BRMS1: variants seen among roughly 807,000 people sequenced by gnomAD.
The protein encoded by BRMS1 is BRMS1 transcriptional repressor and anoikis regulator.
BRMS1 carries 26 observed loss-of-function variants against 40.4 expected under a neutral mutation model. That is an observed-to-expected ratio of 0.64 (90% CI 0.47 to 0.89). The LOEUF is 0.89. Ranked by LOEUF, BRMS1 falls within the 40% of genes least tolerant of loss-of-function variation. The probability of loss-of-function intolerance (pLI) is 0.00; values close to 1 mark genes in which losing one functional copy is unlikely to be tolerated. For missense variants in BRMS1, 289 were observed against 309.4 expected, an observed-to-expected ratio of 0.93 and a Z score of 0.49; for synonymous variants, 103 against 116.0, an observed-to-expected ratio of 0.89 and a Z score of 0.72.
chr11:66,339,469 C>T (rs1292916574), intron 7 of BRMS1, among the ~76,000 whole-genome samples: 1 of 152,186 alleles, frequency 6.6e-6, no homozygotes, highest in Non-Finnish European at 1.5e-5. Flanking sequence ...CAGGGTAAGA[C>T]CAGAAGAGGC....
Position 66,341,534 on chromosome 11 carries a change from T to G in BRMS1, c.229A>C (p.Lys77Gln), listed in dbSNP as rs773727934. 8 of 1,613,744 alleles carry G rather than the reference T, an allele frequency of 5.0e-6. No homozygotes were observed. In the Admixed American group the frequency reaches 1.3e-4, roughly 27 times the overall value. ...LEKQFSELKE[K>Q]LFRERLSQLR... is the part of the protein sequence containing the mutation. ...AGCCCAAGGTGTCCCCACGCTCACT[T>G]CTCCTTTAGCTCCGAGAACTGCTTC... The change falls in exon 3 of 10, where the codon AAG becomes CAG. Residue 77 changes from lysine to glutamine, a missense_variant and splice_region_variant. Physicochemically the swap from Lys to Gln is moderately conservative, Grantham distance 53 (BLOSUM62 1). Coordinates refer to ENST00000359957, the MANE Select transcript of BRMS1 (RefSeq NM_015399.4). This position sits in a 1 kb window ranked among gnomAD's most constrained non-coding sequence, Gnocchi z 4.9.
At position 66,344,939 on chromosome 11, in the gene BRMS1, G is replaced by A. The variant is rs1855170825; in HGVS notation, c.-8+33C>T. ...CGGCCCTGCTCGACTAACCGGAGAG[G>A]GCGAACCAAAAGCCATGCATGACGA... is the stretch of plus-strand genomic sequence containing the variant. On this transcript the variant is annotated intron_variant, in intron 1 of 9. Transcript: ENST00000359957. 3 of 152,288 alleles carry A rather than the reference G, an allele frequency of 2.0e-5. No homozygotes were observed. In the South Asian group the frequency reaches 6.2e-4, roughly 31 times the overall value. The allele number at this position is 152,288 out of a possible 1,614,324, so 9.4% of individuals were successfully genotyped here.
chr11:66,337,622 G>GT lies in BRMS1; in HGVS notation c.*259dup, dbSNP rs757224994. The GT allele has an allele frequency of 7.0e-7, 1 of 1,420,172 alleles. No individual in the cohort carries two copies. Among genetic ancestry groups the GT allele is most frequent in the African/African-American group, 1.4e-5 (1 of 70,482 alleles). The allele number at this position is 1,420,172 out of a possible 1,614,324, so 88.0% of individuals were successfully genotyped here. A position where few individuals can be genotyped will look rare whatever the true frequency, so the allele number is the denominator to read the frequency against. ...AGAGATGGATCTTCAGGAGTGGGAG[G>GT]TGGCAGGCGGCTCAGGGATGGAGAC... On this transcript the variant is annotated 3_prime_UTR_variant, in exon 10 of 10. Coordinates refer to ENST00000359957, the MANE Select transcript of BRMS1 (RefSeq NM_015399.4).
At chr11:66,338,820 G>A (rs367657214) in intron 7 of BRMS1, 35 bp from the exon 8 acceptor site, 5 of 1,517,082 alleles carry the variant, frequency 3.3e-6, no homozygotes, top group African/African-American at 2.8e-5. Flanking sequence ...AGTGGAGGTG[G>A]CAGGTGACGA....
intron 6 of BRMS1, among the ~76,000 whole-genome samples, 155 bp from the exon 7 acceptor site, chr11:66,340,368 T>C (rs577925977): frequency 3.9e-5 from 6 of 152,172 alleles, no homozygotes; most frequent in African/African-American, 1.4e-4. Context: ...GCTGTTCAGG[T>C]CCTGCCTGCA....
chr11:66,341,746 G>A lies in BRMS1; in HGVS notation c.140-123C>T. The A allele has an allele frequency of 2.4e-6, 2 of 850,688 alleles. No individual in the cohort carries two copies. Among genetic ancestry groups the A allele is most frequent in the East Asian group, 2.4e-5 (1 of 40,944 alleles). The allele number at this position is 850,688 out of a possible 1,614,324, so 52.7% of individuals were successfully genotyped here. ...CTGTGTGTAGGGCCTGTGTGTGTGT[G>A]CGCGTACATGCTTGTGTGAAGGGGC... On this transcript the variant is annotated intron_variant, in intron 2 of 9. Coordinates refer to ENST00000359957, the MANE Select transcript of BRMS1 (RefSeq NM_015399.4). This position sits in a 1 kb window ranked among gnomAD's most constrained non-coding sequence, Gnocchi z 4.9.
At chr11:66,338,100 T>C (rs1474881924) in intron 9 of BRMS1, 143 bp downstream of exon 9, 1 of 1,296,816 alleles carries the variant, frequency 7.7e-7, no homozygotes, top group African/African-American at 1.5e-5. Flanking sequence ...CACAAGCCCC[T>C]CAAATCTAGA....
rs2236679 is a variant in BRMS1 at position 66,341,423 on chromosome 11, G to T, written c.231-90C>A. 4 of 1,601,226 alleles carry T rather than the reference G, an allele frequency of 2.5e-6. No homozygotes were observed. Among genetic ancestry groups the T allele is most frequent in the Non-Finnish European group, 3.4e-6 (4 of 1,170,836 alleles). On this transcript the variant is annotated intron_variant, in intron 3 of 9. Transcript: ENST00000359957. The surrounding 1 kb of genome is among the most constrained non-coding windows in gnomAD (Gnocchi z 4.9). ...CCAGCACCCATTCCACAGCAAGCCC[G>T]GTGTTAGGCGCGCACTTCCTGGGCA...
In BRMS1 at chr11:66,341,384, G is replaced by T; in HGVS notation, c.231-51C>A. On this transcript the variant is annotated intron_variant, in intron 3 of 9. Coordinates refer to ENST00000359957, the MANE Select transcript of BRMS1 (RefSeq NM_015399.4). This position sits in a 1 kb window ranked among gnomAD's most constrained non-coding sequence, Gnocchi z 4.9. ...ACCCATTTGCTCACCCATCGCTCTT[G>T]GGCAAACACATACCCAGCACCCATT... 6.2e-7 allele frequency: 1 copy of T among 1,603,080 alleles called. No individual in the cohort carries two copies.
In BRMS1 at chr11:66,341,251, G is replaced by A. The variant is rs1855065596; in HGVS notation, c.313C>T (p.Leu105Phe). 4 of 1,613,574 alleles carry A rather than the reference G, an allele frequency of 2.5e-6. No individual in the cohort carries two copies. The highest frequency in any genetic ancestry group is 3.4e-6 in the Non-Finnish European group (4 of 1,179,674). Residue 105 changes from leucine (L) to phenylalanine (F), a missense_variant, in exon 4 of 10, where the codon CTT becomes TTT. Coordinates refer to ENST00000359957, the MANE Select transcript of BRMS1 (RefSeq NM_015399.4). The surrounding 1 kb of genome is among the most constrained non-coding windows in gnomAD (Gnocchi z 4.9). ...TTGAGGCTCCGCTGCAGCCCCCCAAGGGGCTCCGTGTATTCAGGGGCTCTC... is the reference window on the plus strand; with the variant it reads ...TTGAGGCTCCGCTGCAGCCCCCCAAAGGGCTCCGTGTATTCAGGGGCTCTC... ...AERAPEYTEP[L>F]GGLQRSLKIR...
In BRMS1 at chr11:66,337,962, G is replaced by T. The variant is rs1368142808; in HGVS notation, c.734-73C>A. On this transcript the variant is annotated intron_variant, in intron 9 of 9. Coordinates refer to ENST00000359957, the MANE Select transcript of BRMS1 (RefSeq NM_015399.4). Reference sequence around the variant, plus strand: ...AAGGAAGGAGGCAGCCACTTACTGAGTGGCTTTGGGCTGGCCCAGAACAGG... The same window carrying T: ...AAGGAAGGAGGCAGCCACTTACTGATTGGCTTTGGGCTGGCCCAGAACAGG... 3 of 1,528,612 alleles carry T rather than the reference G, an allele frequency of 2.0e-6. No individual in the cohort carries two copies. The East Asian group carries it at 6.8e-5, about 35-fold the overall frequency. 94.7% of individuals were successfully genotyped at this position (1,528,612 alleles called of 1,614,324 possible).
rs941824786 is a variant in BRMS1 at position 66,338,400 on chromosome 11, G to C, written c.694-118C>G. On this transcript the variant is annotated intron_variant, in intron 8 of 9. Transcript: ENST00000359957. ...GCCTCAGTGCTGTGCCCCCAGGACC[G>C]GGAGCATAGGCCCCACCCAGGCAGA... 14 of 1,528,056 alleles carry C rather than the reference G, an allele frequency of 9.2e-6. 1 individual carries two copies. Among genetic ancestry groups the C allele is most frequent in the Middle Eastern group, 4.3e-4 (2 of 4,630 alleles). The allele number at this position is 1,528,056 out of a possible 1,614,324, so 94.7% of individuals were successfully genotyped here. A position where few individuals can be genotyped will look rare whatever the true frequency, so the allele number is the denominator to read the frequency against.
rs367980384 is a variant in BRMS1 at position 66,340,766 on chromosome 11, G to C, written c.535+8C>G. The C allele has an allele frequency of 1.2e-5, 20 of 1,608,206 alleles. No individual in the cohort carries two copies. Among genetic ancestry groups the C allele is most frequent in the Admixed American group, 1.7e-5 (1 of 59,860 alleles). ...CCAGTTCCGGGGTGCCCAGGCTCTC[G>C]CGCTTACCAGAGCTGAGGTCCAGGC... is the stretch of plus-strand genomic sequence containing the variant. On this transcript the variant is annotated splice_region_variant and intron_variant, in intron 6 of 9. Coordinates refer to ENST00000359957, the MANE Select transcript of BRMS1 (RefSeq NM_015399.4).
At chr11:66,342,354 C>T in intron 1 of BRMS1, 113 bp from the exon 2 acceptor site, 1 of 1,378,038 alleles carries the variant, frequency 7.3e-7, no homozygotes, top group Non-Finnish European at 1.0e-6. Context: ...AGGGAAGTAA[C>T]TGGCCTGGCC....
chr11:66,337,979 C>G, intron 9 of BRMS1, 90 bp from the exon 10 acceptor site: 1 of 1,428,838 alleles, frequency 7.0e-7, no homozygotes, highest in Non-Finnish European at 9.7e-7. Context: ...TGGGCTGGCC[C>G]AGAACAGGCC....
chr11:66,340,678 G>T, intron 6 of BRMS1, 96 bp downstream of exon 6: 1 of 1,061,360 alleles, frequency 9.4e-7, no homozygotes, highest in Non-Finnish European at 1.4e-6. Context: ...AGGTCCTCTG[G>T]CTGTCCCCTT....
chr11:66,342,026 TGTGTGTGTGC>T (rs1855095605), intron 2 of BRMS1, 60 bp downstream of exon 2: 3 of 1,513,298 alleles, frequency 2.0e-6, no homozygotes, highest in Non-Finnish European at 9.0e-7. Flanking sequence ...GTGTAGGGGC[TGTGTGTGTGC>T]ATGTGTGTGT....
chr11:66,337,965 G>T, intron 9 of BRMS1, 76 bp from the exon 10 acceptor site: 3 of 1,514,758 alleles, frequency 2.0e-6, no homozygotes, highest in Non-Finnish European at 2.7e-6. Flanking sequence ...TTACTGAGTG[G>T]CTTTGGGCTG....
chr11:66,342,096 C>T lies in BRMS1; in HGVS notation c.139G>A (p.Glu47Lys), dbSNP rs746394925. The change falls in exon 2 of 10, where the codon GAG becomes AAG. Residue 47 changes from glutamate to lysine, a missense_variant and splice_region_variant. Physicochemically the swap from Glu to Lys is moderately conservative, Grantham distance 56 (BLOSUM62 1). Transcript: ENST00000359957. The part of the protein sequence containing the change: ...SQTESEEESS[E>K]MDDEDYERRR... ...TGTGTCTGTGTGTGTAGGGGCTCAC[C>T]GGAGCTCTCCTCTTCTGACTCTGTC... 5 of 1,611,728 alleles carry T rather than the reference C, an allele frequency of 3.1e-6. No individual in the cohort carries two copies. The highest frequency in any genetic ancestry group is 2.2e-5 in the East Asian group (1 of 44,846).
Sources: allele counts gnomAD v4.1 joint callset (sites outside exome capture counted in the v4.1 genomes callset), GRCh38; gene constraint gnomAD v4.1.1; non-coding constraint Gnocchi (gnomAD v3.1); transcripts MANE v1.5; gene names NCBI Gene and HGNC (gene_info 2026-07-23, HGNC 2026-07-21).